CSMD1: variants seen among roughly 807,000 people sequenced by gnomAD.
CSMD1 encodes the protein CUB and sushi domain-containing protein 1.
A neutral mutation model predicts 417.5 loss-of-function variants in CSMD1; 213 were observed. That is an observed-to-expected ratio of 0.51 (90% CI 0.46 to 0.57). The LOEUF is 0.57. CSMD1 is among the 20% of genes least tolerant of loss of function. CSMD1 has a pLI of 0.00. For synonymous variants in CSMD1, 2,862 were observed against 1,736.8 expected, an observed-to-expected ratio of 1.65 and a Z score of -16.11; for missense variants, 6,923 against 4,529.7, an observed-to-expected ratio of 1.53 and a Z score of -15.17.
intron 2 of CSMD1, among the ~76,000 whole-genome samples, chr8:4,583,067 G>T (rs1476138536): frequency 6.6e-6 from 1 of 152,292 alleles, no homozygotes; most frequent in Non-Finnish European, 1.5e-5. Context: ...CCTTCCCGCG[G>T]GGCAGGGCTC....
chr8:3,303,943 CGCCCCATTATAATAACTATTTTGG>C, intron 25 of CSMD1, among the ~76,000 whole-genome samples: 1 of 74,998 alleles, frequency 1.3e-5, no homozygotes, highest in African/African-American at 4.1e-5. Context: ...TGGGGTATTG[CGCCCCATTATAATAACTATTTTGG>C]GGTATTCGAT....
intron 3 of CSMD1, among the ~76,000 whole-genome samples, chr8:4,353,806 T>C (rs1293312211): frequency 1.3e-5 from 2 of 152,184 alleles, no homozygotes; most frequent in Non-Finnish European, 2.9e-5. Context: ...AATGGCTCGA[T>C]CATTAAAACC....
chr8:4,584,096 T>C (rs1374989903), intron 2 of CSMD1, among the ~76,000 whole-genome samples: 1 of 151,218 alleles, frequency 6.6e-6, no homozygotes, highest in Non-Finnish European at 1.5e-5. Flanking sequence ...ACGAACCCAC[T>C]AGAAGGAAGA....
chr8:4,132,307 A>T (rs2680623), intron 3 of CSMD1, among the ~76,000 whole-genome samples: 13 of 151,820 alleles, frequency 8.6e-5, no homozygotes, highest in African/African-American at 3.1e-4. Context: ...AGGTAAACTC[A>T]GACTGAGCAA....
intron 18 of CSMD1, among the ~76,000 whole-genome samples, chr8:3,374,611 G>A (rs1192085110): frequency 1.3e-5 from 2 of 152,156 alleles, no homozygotes; most frequent in African/African-American, 4.8e-5. Flanking sequence ...CCTGGCAAAT[G>A]TCCACTCCCA....
intron 3 of CSMD1, among the ~76,000 whole-genome samples, chr8:4,093,129 T>C (rs1284710919): frequency 6.6e-6 from 1 of 152,216 alleles, no homozygotes; most frequent in Admixed American, 6.5e-5. Flanking sequence ...TCTCCAGCCA[T>C]AAATTATACA....
intron 1 of CSMD1, among the ~76,000 whole-genome samples, chr8:4,866,452 CTT>C (rs1802424392): frequency 6.6e-6 from 1 of 151,868 alleles, no homozygotes; most frequent in African/African-American, 2.4e-5. Flanking sequence ...GTTCTATTCT[CTT>C]TTGTTTTTTT....
At chr8:4,622,602 G>A (rs1272504422) in intron 2 of CSMD1, among the ~76,000 whole-genome samples, 1 of 152,112 alleles carries the variant, frequency 6.6e-6, no homozygotes, top group Non-Finnish European at 1.5e-5. Context: ...GTTTGGTTTC[G>A]GAATTACAAA....
intron 6 of CSMD1, among the ~76,000 whole-genome samples, chr8:3,709,282 G>A (rs375202752): frequency 6.6e-6 from 1 of 151,698 alleles, no homozygotes; most frequent in Non-Finnish European, 1.5e-5. Context: ...AAACATTTCT[G>A]AGGTCCCCAT....
rs895691280 is a variant in CSMD1, at chr8:3,068,950, G to C, written c.7475-16303C>G. 1.6e-4 allele frequency among the ~76,000 whole-genome samples: 25 copies of C among 152,154 alleles called. No individual in the cohort carries two copies. In the South Asian group the frequency reaches 2.7e-3, roughly 16 times the overall value. Reference sequence around the variant, plus strand: ...TTCTCATATTGCAAAATAAAATCATGTCTTCCCAACAGAAGCCAAAAGTTC... The same window carrying C: ...TTCTCATATTGCAAAATAAAATCATCTCTTCCCAACAGAAGCCAAAAGTTC... On this transcript the variant is annotated intron_variant, in intron 49 of 69. Transcript: ENST00000635120.
intron 3 of CSMD1, among the ~76,000 whole-genome samples, chr8:4,394,501 T>G (rs1429795480): frequency 6.6e-6 from 1 of 152,136 alleles, no homozygotes; most frequent in African/African-American, 2.4e-5. Flanking sequence ...CCTCTGGGTG[T>G]GAATGAGTGA....
At chr8:4,106,351 A>C (rs1801568021) in intron 3 of CSMD1, among the ~76,000 whole-genome samples, 1 of 152,216 alleles carries the variant, frequency 6.6e-6, no homozygotes, top group South Asian at 2.1e-4. Context: ...TATATTTTTT[A>C]AGTCAAAATA....
At chr8:4,116,649 GCTGTACACATCCGAC>G in intron 3 of CSMD1, among the ~76,000 whole-genome samples, 1 of 150,426 alleles carries the variant, frequency 6.6e-6, no homozygotes, top group African/African-American at 2.5e-5. Flanking sequence ...CCTAACGTAA[GCTGTACACATCCGAC>G]GGCGATGTAC....
intron 5 of CSMD1, among the ~76,000 whole-genome samples, chr8:3,818,972 C>T (rs943015311): frequency 9.2e-5 from 14 of 152,162 alleles, no homozygotes; most frequent in African/African-American, 2.7e-4. Context: ...TGACAAACTT[C>T]AAAAGAGAGG....
intron 5 of CSMD1, among the ~76,000 whole-genome samples, chr8:3,824,033 C>A (rs1196499836): frequency 6.6e-6 from 1 of 152,078 alleles, no homozygotes; most frequent in Non-Finnish European, 1.5e-5. Flanking sequence ...ATTCCCTCTG[C>A]CCAAAAGTCT....
chr8:3,548,875 C>T (rs757370330), intron 10 of CSMD1, among the ~76,000 whole-genome samples: 10 of 152,092 alleles, frequency 6.6e-5, no homozygotes, highest in Admixed American at 2.6e-4. Flanking sequence ...GGTCCCGCTC[C>T]CTACCCCGAG....
At chr8:4,532,947 C>T (rs377155437) in intron 2 of CSMD1, among the ~76,000 whole-genome samples, 3 of 151,226 alleles carry the variant, frequency 2.0e-5, no homozygotes, top group East Asian at 2.0e-4. Flanking sequence ...ACAGTCACTC[C>T]GGAAGAGAAA....
At chr8:3,684,524 G>A (rs139828257) in intron 7 of CSMD1, among the ~76,000 whole-genome samples, 1,907 of 150,088 alleles carry the variant, frequency 0.013, 38 homozygotes, top group African/African-American at 0.044. Flanking sequence ...TTTTTTACTG[G>A]CCATCTAGAA....
chr8:4,094,457 G>A (rs750573053), intron 3 of CSMD1, among the ~76,000 whole-genome samples: 1 of 152,130 alleles, frequency 6.6e-6, no homozygotes, highest in South Asian at 2.1e-4. Context: ...GAGGTAGAGG[G>A]AGGAATCGAA....
Sources: gnomAD v4.1 joint callset for allele counts (sites outside exome capture counted in the v4.1 genomes callset) on GRCh38, gnomAD v4.1.1 for gene constraint, MANE v1.5 for transcripts, NCBI Gene and HGNC (gene_info 2026-07-23, HGNC 2026-07-21) for gene names.